CCNL1: variants seen among roughly 807,000 people sequenced by gnomAD.
The protein encoded by CCNL1 is cyclin L1, also known as cyclin-L1.
CCNL1 carries 13 observed loss-of-function variants against 60.6 expected under a neutral mutation model. The ratio of observed to expected loss-of-function variants is 0.21; its 90% confidence interval spans 0.14 to 0.34. The LOEUF (loss-of-function observed/expected upper bound fraction) is 0.34, where lower values mean the gene tolerates loss of function less well. Among genes scored for constraint, CCNL1 ranks in the 10% least tolerant of loss-of-function variants. The pLI is 1.00. For synonymous variants in CCNL1, 270 were observed against 244.3 expected, an observed-to-expected ratio of 1.10 and a Z score of -0.98; for missense variants, 481 against 664.3, an observed-to-expected ratio of 0.72 and a Z score of 3.03.
intron 3 of CCNL1, 90 bp from the exon 4 acceptor site, chr3:157,153,246 T>C (rs1200617125): frequency 2.5e-5 from 34 of 1,371,372 alleles, no homozygotes; most frequent in East Asian, 9.5e-5. Flanking sequence ...CAACCAACTA[T>C]TGGCAACAGA....
Position 157,152,668 on chromosome 3 carries a change from C to T in CCNL1, c.609+368G>A, listed in dbSNP as rs116090531. 6.1e-4 allele frequency: 666 copies of T among 1,092,828 alleles called. 5 individuals are homozygous for T. The African/African-American group carries it at 9.8e-3, about 16-fold the overall frequency. 67.7% of individuals were successfully genotyped at this position (1,092,828 alleles called of 1,614,324 possible). ...ATGGTAACAGTGAGCAGCCAACACA[C>T]TTAGAACATTCTACTATGATGATAA... On this transcript the variant is annotated intron_variant, in intron 4 of 10. Transcript: ENST00000295926.
At chr3:157,155,515 G>A (rs1175763809) in intron 3 of CCNL1, among the ~76,000 whole-genome samples, 1 of 151,990 alleles carries the variant, frequency 6.6e-6, no homozygotes, top group Non-Finnish European at 1.5e-5. Context: ...GCTTAATCCT[G>A]CTATTTATTA....
intron 3 of CCNL1, among the ~76,000 whole-genome samples, chr3:157,156,041 T>C (rs1231155298): frequency 6.6e-6 from 1 of 152,224 alleles, no homozygotes; most frequent in Non-Finnish European, 1.5e-5. Flanking sequence ...TATTTTCCTT[T>C]AGCATGATTA....
intron 10 of CCNL1, 159 bp downstream of exon 10, chr3:157,149,128 T>A: frequency 1.6e-6 from 1 of 621,870 alleles, no homozygotes; most frequent in Non-Finnish European, 2.8e-6. Context: ...ATACTGTATG[T>A]CCAGAACATC....
intron 2 of CCNL1, 105 bp from the exon 3 acceptor site, chr3:157,159,080 C>T: frequency 2.7e-6 from 2 of 736,962 alleles, no homozygotes; most frequent in Non-Finnish European, 4.6e-6. Context: ...TTAGAGAAGA[C>T]ATCTCTATGC....
At chr3:157,144,111 T>C (rs555502434), downstream of CCNL1, among the ~76,000 whole-genome samples, 18 of 152,210 alleles carry the variant, frequency 1.2e-4, no homozygotes, top group South Asian at 3.7e-3. Flanking sequence ...TAGAATTATA[T>C]TGAACATAGA....
downstream of CCNL1, among the ~76,000 whole-genome samples, chr3:157,145,474 GATTTA>G (rs1266019818): frequency 8.4e-6 from 1 of 119,236 alleles, no homozygotes; most frequent in East Asian, 2.5e-4. Flanking sequence ...ACCAAAACGG[GATTTA>G]ATTTGTGGGT....
chr3:157,152,879 C>T (rs1738300383), intron 4 of CCNL1, 157 bp downstream of exon 4: 3 of 1,389,006 alleles, frequency 2.2e-6, no homozygotes. Context: ...TAAATCTCAA[C>T]ATCCAAAAGA....
At chr3:157,158,713 G>A (rs6441114) in intron 3 of CCNL1, 153 bp downstream of exon 3, 205,129 of 524,854 alleles carry the variant, frequency 0.39, 42,280 homozygotes, top group East Asian at 0.62. Flanking sequence ...ATTATTTTAA[G>A]TATCAGTGTT....
chr3:157,143,836 A>C (rs1252063217), downstream of CCNL1, among the ~76,000 whole-genome samples: 1 of 152,218 alleles, frequency 6.6e-6, no homozygotes, highest in Non-Finnish European at 1.5e-5. Context: ...ATACAAGAAC[A>C]GAAAAAGCGA....
chr3:157,151,698 C>T (rs996763077), intron 5 of CCNL1: 35 of 1,004,694 alleles, frequency 3.5e-5, no homozygotes, highest in Non-Finnish European at 3.9e-5. Context: ...TACAAGTATA[C>T]ATTAAATACA....
In CCNL1 at chr3:157,147,655, T is replaced by C; in HGVS notation, c.*586A>G. 4.1e-6 allele frequency: 4 copies of C among 985,034 alleles called. No individual in the cohort carries two copies. The highest frequency in any genetic ancestry group is 4.8e-6 in the Non-Finnish European group (4 of 829,538). 61.0% of individuals were successfully genotyped at this position (985,034 alleles called of 1,614,324 possible). A position where few individuals can be genotyped will look rare whatever the true frequency, so the allele number is the denominator to read the frequency against. On this transcript the variant is annotated 3_prime_UTR_variant, in exon 11 of 11. Coordinates refer to ENST00000295926, the MANE Select transcript of CCNL1 (RefSeq NM_020307.4). ...AGTGAAGACTTACAATAGCTCACAATGCAGTTAAGAATTGCATTTTAATAA... is the reference window on the plus strand; with the variant it reads ...AGTGAAGACTTACAATAGCTCACAACGCAGTTAAGAATTGCATTTTAATAA...
At chr3:157,156,183 C>T (rs987320190) in intron 3 of CCNL1, among the ~76,000 whole-genome samples, 3 of 152,148 alleles carry the variant, frequency 2.0e-5, no homozygotes, top group Non-Finnish European at 4.4e-5. Flanking sequence ...TGGTAGTTTA[C>T]AAAGAGGCAT....
intron 10 of CCNL1, 97 bp downstream of exon 10, chr3:157,149,190 T>C (rs1257980150): frequency 9.9e-7 from 1 of 1,011,712 alleles, no homozygotes; most frequent in African/African-American, 1.6e-5. Context: ...AATTCTAACC[T>C]AACTTTGAAA....
At chr3:157,146,821 C>G (rs1445010568), downstream of CCNL1, among the ~76,000 whole-genome samples, 1 of 152,168 alleles carries the variant, frequency 6.6e-6, no homozygotes, top group Non-Finnish European at 1.5e-5. Flanking sequence ...AATGAACTAT[C>G]TACCCTCTTT....
chr3:157,158,800 G>C, intron 3 of CCNL1, 66 bp downstream of exon 3: 1 of 990,308 alleles, frequency 1.0e-6, no homozygotes. Flanking sequence ...AAGATGTTTT[G>C]ATTTGATGAC....
chr3:157,147,032 G>C (rs2108105125), downstream of CCNL1, among the ~76,000 whole-genome samples: 1 of 152,196 alleles, frequency 6.6e-6, no homozygotes, highest in African/African-American at 2.4e-5. Flanking sequence ...TAAGTCTTTG[G>C]AATCTCCTCT....
intron 4 of CCNL1, chr3:157,152,774 T>A: frequency 8.3e-7 from 1 of 1,201,242 alleles, no homozygotes; most frequent in East Asian, 5.1e-5. Context: ...GTGGAAAAAC[T>A]GGGACTTTAA....
rs1198151433 is a variant in CCNL1 at position 157,158,847 on chromosome 3, T to C, written c.488+19A>G. On this transcript the variant is annotated intron_variant, in intron 3 of 10. Coordinates refer to ENST00000295926, the MANE Select transcript of CCNL1 (RefSeq NM_020307.4). Reference sequence around the variant, plus strand: ...ACAGCAGTAGCAAGAGATACTATGTTCAATAATGCCAATCTTACCTTTTTC... The same window carrying C: ...ACAGCAGTAGCAAGAGATACTATGTCCAATAATGCCAATCTTACCTTTTTC... The C allele has an allele frequency of 6.8e-7, 1 of 1,474,482 alleles. No homozygotes were observed. Among genetic ancestry groups the C allele is most frequent in the South Asian group, 1.1e-5 (1 of 87,982 alleles). 91.3% of individuals were successfully genotyped at this position (1,474,482 alleles called of 1,614,324 possible).
Sources: gnomAD v4.1 joint callset for allele counts (sites outside exome capture counted in the v4.1 genomes callset) on GRCh38, gnomAD v4.1.1 for gene constraint, MANE v1.5 for transcripts, NCBI Gene and HGNC (gene_info 2026-07-23, HGNC 2026-07-21) for gene names.